The following CCSER1 variants were observed in gnomAD, a reference collection of about 807,000 sequenced individuals.
The protein encoded by CCSER1 is serine-rich coiled-coil domain-containing protein 1.
In CCSER1, 41 loss-of-function variants were observed where a neutral mutation model predicts 82.0. The observed-to-expected ratio is 0.50, with a 90% CI of 0.39 to 0.65. CCSER1 has a LOEUF of 0.65. Among genes scored for constraint, CCSER1 ranks in the 30% least tolerant of loss-of-function variants. CCSER1 has a pLI of 0.00. For missense variants in CCSER1, 1,119 were observed against 1,064.2 expected (o/e 1.05, Z -0.72); for synonymous variants, 414 against 383.9 (o/e 1.08, Z -0.92).
intron 10 of CCSER1, among the ~76,000 whole-genome samples, chr4:91,596,967 C>T (rs572550775): frequency 2.4e-4 from 37 of 152,060 alleles, no homozygotes; most frequent in Admixed American, 6.6e-4. Flanking sequence ...AGTTTAAGGA[C>T]GCCTAGTGGG....
intron 1 of CCSER1, among the ~76,000 whole-genome samples, chr4:90,218,601 G>T (rs761864971): frequency 3.9e-5 from 6 of 152,132 alleles, no homozygotes; most frequent in Non-Finnish European, 8.8e-5. Context: ...ACATAATAAG[G>T]GCAAGTGATA....
intron 10 of CCSER1, among the ~76,000 whole-genome samples, chr4:91,510,124 C>G (rs1027492350): frequency 1.3e-5 from 2 of 152,128 alleles, no homozygotes; most frequent in Non-Finnish European, 2.9e-5. Context: ...TTTTCTGTTC[C>G]TGCATTATTT....
intron 10 of CCSER1, among the ~76,000 whole-genome samples, chr4:91,254,788 T>C (rs1315648348): frequency 6.6e-6 from 1 of 152,142 alleles, no homozygotes; most frequent in East Asian, 1.9e-4. Context: ...ATGTTATAGG[T>C]AATAATTCCA....
At chr4:90,735,901 G>A (rs1423044432) in intron 7 of CCSER1, among the ~76,000 whole-genome samples, 1 of 151,950 alleles carries the variant, frequency 6.6e-6, no homozygotes, top group South Asian at 2.1e-4. Flanking sequence ...TGGGTATGTT[G>A]TGTTTTCATG....
At chr4:91,093,768 G>GT (rs1255167859) in intron 10 of CCSER1, among the ~76,000 whole-genome samples, 1 of 152,158 alleles carries the variant, frequency 6.6e-6, no homozygotes, top group Non-Finnish European at 1.5e-5. Flanking sequence ...GCTGACATAA[G>GT]TTTTTCCTTT....
At chr4:91,429,767 T>G (rs552162896) in intron 10 of CCSER1, among the ~76,000 whole-genome samples, 1 of 152,072 alleles carries the variant, frequency 6.6e-6, no homozygotes, top group East Asian at 1.9e-4. Context: ...TATATTTTCA[T>G]CTGAAAATAT....
chr4:90,343,177 T>G (rs919863131), intron 3 of CCSER1, among the ~76,000 whole-genome samples: 1 of 152,220 alleles, frequency 6.6e-6, no homozygotes, highest in Non-Finnish European at 1.5e-5. Flanking sequence ...TTCTATTTTT[T>G]GGGGGCCTTT....
intron 10 of CCSER1, among the ~76,000 whole-genome samples, chr4:91,248,800 A>T (rs1740023885): frequency 6.6e-6 from 1 of 150,456 alleles, no homozygotes; most frequent in African/African-American, 2.5e-5. Context: ...TATTATTACA[A>T]ATGCACTATA....
At chr4:91,403,916 GAGTT>G (rs1381006270) in intron 10 of CCSER1, among the ~76,000 whole-genome samples, 45 of 152,312 alleles carry the variant, frequency 3.0e-4, no homozygotes, top group Non-Finnish European at 4.4e-5. Flanking sequence ...CTCATAAAAT[GAGTT>G]AGGGAGGATT....
At chr4:90,476,399 T>C (rs934456470) in intron 5 of CCSER1, among the ~76,000 whole-genome samples, 6 of 152,008 alleles carry the variant, frequency 3.9e-5, no homozygotes, top group African/African-American at 1.5e-4. Context: ...CAATCACTGG[T>C]AGTGGTGGAC....
At chr4:90,670,261 T>G (rs978149174) in intron 6 of CCSER1, among the ~76,000 whole-genome samples, 4 of 152,126 alleles carry the variant, frequency 2.6e-5, no homozygotes, top group African/African-American at 9.7e-5. Flanking sequence ...TATCTCAGGT[T>G]GGGATCCCTA....
chr4:91,022,092 C>A (rs1241486509), intron 9 of CCSER1, among the ~76,000 whole-genome samples: 1 of 151,686 alleles, frequency 6.6e-6, no homozygotes, highest in Non-Finnish European at 1.5e-5. Flanking sequence ...TGTTGGTGTG[C>A]TACACCCATT....
intron 1 of CCSER1, among the ~76,000 whole-genome samples, chr4:90,207,511 A>G (rs11930761): frequency 0.016 from 2,370 of 152,208 alleles, 32 homozygotes; most frequent in African/African-American, 0.04. Context: ...CGTCAAGCTC[A>G]TTCACCACCC....
chr4:91,464,732 C>G (rs181341370), intron 10 of CCSER1, among the ~76,000 whole-genome samples: 54 of 152,192 alleles, frequency 3.5e-4, no homozygotes, highest in Admixed American at 7.9e-4. Flanking sequence ...AGACTTTAAA[C>G]CAACAAAGAT....
chr4:91,426,834 T>G (rs944586010), intron 10 of CCSER1, among the ~76,000 whole-genome samples: 1 of 152,172 alleles, frequency 6.6e-6, no homozygotes, highest in Non-Finnish European at 1.5e-5. Flanking sequence ...ACTTTTAGAA[T>G]GCTTACTATA....
chr4:90,628,735 A>G (rs1338966234), intron 6 of CCSER1, among the ~76,000 whole-genome samples: 1 of 152,154 alleles, frequency 6.6e-6, no homozygotes, highest in Non-Finnish European at 1.5e-5. Context: ...TGCCCTCCCC[A>G]CAGCTTGGGC....
intron 3 of CCSER1, among the ~76,000 whole-genome samples, chr4:90,388,230 G>C (rs1452035556): frequency 2.0e-5 from 3 of 152,140 alleles, no homozygotes; most frequent in African/African-American, 7.2e-5. Flanking sequence ...TCATTATTTT[G>C]GGTTTCCCAC....
chr4:90,921,985 A>G (rs185164908), intron 8 of CCSER1, among the ~76,000 whole-genome samples: 3 of 152,066 alleles, frequency 2.0e-5, no homozygotes, highest in Non-Finnish European at 4.4e-5. Flanking sequence ...TTTAGTTTGG[A>G]AAATGCAGCC....
intron 5 of CCSER1, among the ~76,000 whole-genome samples, chr4:90,568,946 G>T (rs1579214826): frequency 6.6e-6 from 1 of 151,388 alleles, no homozygotes; most frequent in African/African-American, 2.4e-5. Context: ...TTTTATATTT[G>T]TAGTAGAGAC....
Sources: allele counts gnomAD v4.1 joint callset (sites outside exome capture counted in the v4.1 genomes callset), GRCh38; gene constraint gnomAD v4.1.1; transcripts MANE v1.5; gene names NCBI Gene and HGNC (gene_info 2026-07-23, HGNC 2026-07-21).